XRCC4: variants seen among roughly 807,000 people sequenced by gnomAD.
XRCC4 encodes the protein DNA repair protein XRCC4.
In XRCC4, 28 loss-of-function variants were observed where a neutral mutation model predicts 39.1. The observed-to-expected ratio is 0.72, with a 90% CI of 0.53 to 0.98. The LOEUF is 0.98. Ranked by LOEUF, XRCC4 falls within the 50% of genes least tolerant of loss-of-function variation. The probability of loss-of-function intolerance (pLI) is 0.00; values close to 1 mark genes in which losing one functional copy is unlikely to be tolerated. For synonymous variants in XRCC4, 123 were observed against 126.4 expected, an observed-to-expected ratio of 0.97 and a Z score of 0.18; for missense variants, 350 against 376.4, an observed-to-expected ratio of 0.93 and a Z score of 0.58.
chr5:83,120,023 A>G (rs1447792297), intron 3 of XRCC4, among the ~76,000 whole-genome samples: 1 of 151,120 alleles, frequency 6.6e-6, no homozygotes, highest in Non-Finnish European at 1.5e-5. Context: ...AAACAATAAC[A>G]GAAACAAAAA....
At chr5:83,230,423 C>G (rs116151912) in intron 6 of XRCC4, among the ~76,000 whole-genome samples, 3 of 152,036 alleles carry the variant, frequency 2.0e-5, no homozygotes, top group African/African-American at 7.2e-5. Flanking sequence ...TCCACACTCA[C>G]GTAAATAATT....
chr5:83,161,700 A>T (rs1397374523), intron 3 of XRCC4, among the ~76,000 whole-genome samples: 1 of 152,192 alleles, frequency 6.6e-6, no homozygotes, highest in East Asian at 1.9e-4. Flanking sequence ...TCTCTCCTTC[A>T]ATCAACATAT....
At chr5:83,097,771 C>T (rs929870171) in intron 1 of XRCC4, among the ~76,000 whole-genome samples, 4 of 152,102 alleles carry the variant, frequency 2.6e-5, no homozygotes, top group Admixed American at 1.3e-4. Context: ...GTCATTCTCA[C>T]GTGAAACTGC....
At chr5:83,370,010 A>G in the XRCC4 span, among the ~76,000 whole-genome samples, 1 of 152,010 alleles carries the variant, frequency 6.6e-6, no homozygotes, top group African/African-American at 2.4e-5. Context: ...TTCTTCCCAT[A>G]TATTTAATCT....
chr5:83,234,180 A>C (rs941541144), intron 6 of XRCC4, among the ~76,000 whole-genome samples: 1 of 152,140 alleles, frequency 6.6e-6, no homozygotes, highest in Non-Finnish European at 1.5e-5. Flanking sequence ...TAATGAGGTC[A>C]GGGAAAGTCT....
chr5:83,205,352 C>G (rs1751376571), intron 6 of XRCC4, among the ~76,000 whole-genome samples: 1 of 152,052 alleles, frequency 6.6e-6, no homozygotes, highest in Non-Finnish European at 1.5e-5. Context: ...CCTTCTTTCA[C>G]TCTTCAGAAA....
intron 1 of XRCC4, among the ~76,000 whole-genome samples, chr5:83,078,855 A>T (rs1744804338): frequency 6.6e-6 from 1 of 152,180 alleles, no homozygotes. Context: ...ACCTAAGGAT[A>T]AAAAAAGTCT....
At chr5:83,249,079 A>G (rs1753214988) in intron 6 of XRCC4, among the ~76,000 whole-genome samples, 1 of 152,138 alleles carries the variant, frequency 6.6e-6, no homozygotes, top group Non-Finnish European at 1.5e-5. Flanking sequence ...TAAGTTACAG[A>G]ATCAGGGATT....
the XRCC4 span, among the ~76,000 whole-genome samples, chr5:83,369,907 A>G: frequency 3.9e-5 from 6 of 152,224 alleles, no homozygotes; most frequent in Non-Finnish European, 7.4e-5. Flanking sequence ...AGCCTTATCA[A>G]TATCTGTTAT....
chr5:83,306,467 A>G (rs1434569522), intron 7 of XRCC4, among the ~76,000 whole-genome samples: 1 of 150,786 alleles, frequency 6.6e-6, no homozygotes. Context: ...AACAATAGAA[A>G]CATTCAACTT....
chr5:83,247,503 T>A (rs1273396933), intron 6 of XRCC4, among the ~76,000 whole-genome samples: 1 of 152,170 alleles, frequency 6.6e-6, no homozygotes, highest in Non-Finnish European at 1.5e-5. Context: ...TGGGGACTGT[T>A]GTCTTAGAGG....
intron 6 of XRCC4, among the ~76,000 whole-genome samples, chr5:83,240,829 G>A (rs1752878735): frequency 6.6e-6 from 1 of 152,178 alleles, no homozygotes; most frequent in African/African-American, 2.4e-5. Context: ...GTATTTGAGG[G>A]GTTTCTAAGG....
chr5:83,187,512 A>G (rs1265747935), intron 3 of XRCC4, among the ~76,000 whole-genome samples: 1 of 152,198 alleles, frequency 6.6e-6, no homozygotes, highest in Admixed American at 6.5e-5. Flanking sequence ...TGTCTACCAC[A>G]TTCAGGAATA....
chr5:83,257,325 A>T lies in XRCC4; in HGVS notation c.746-1205A>T, dbSNP rs530888542. Reference sequence around the variant, plus strand: ...GGCTGATATCCAGAATCTACACAGAACTTAAACAAAATTTACAAGAAAAAA... The same window carrying T: ...GGCTGATATCCAGAATCTACACAGATCTTAAACAAAATTTACAAGAAAAAA... On this transcript the variant is annotated intron_variant, in intron 6 of 7. Coordinates refer to ENST00000396027, the MANE Select transcript of XRCC4 (RefSeq NM_003401.5). 4.7e-5 allele frequency among the ~76,000 whole-genome samples: 7 copies of T among 150,422 alleles called. No individual in the cohort carries two copies. In the South Asian group the frequency reaches 1.5e-3, roughly 31 times the overall value.
intron 7 of XRCC4, among the ~76,000 whole-genome samples, chr5:83,264,092 A>G (rs1580442147): frequency 2.0e-5 from 3 of 152,284 alleles, no homozygotes; most frequent in South Asian, 4.1e-4. Flanking sequence ...TAGAGTTTGT[A>G]TAAGGTATTG....
chr5:83,107,213 A>G (rs1377319494), intron 2 of XRCC4, among the ~76,000 whole-genome samples: 2 of 152,010 alleles, frequency 1.3e-5, no homozygotes, highest in Non-Finnish European at 2.9e-5. Context: ...TTTACATATC[A>G]GGGACAAAAT....
chr5:83,263,803 C>G (rs532183087), intron 7 of XRCC4, among the ~76,000 whole-genome samples: 4 of 151,200 alleles, frequency 2.6e-5, no homozygotes, highest in South Asian at 2.1e-4. Flanking sequence ...GTTGCCTGTT[C>G]ACTCTGATGG....
intron 3 of XRCC4, among the ~76,000 whole-genome samples, chr5:83,142,165 T>A (rs181529241): frequency 4.3e-4 from 65 of 152,304 alleles, no homozygotes; most frequent in African/African-American, 1.5e-3. Context: ...TTCCCTCCTT[T>A]TCTGTGCTTA....
intron 3 of XRCC4, among the ~76,000 whole-genome samples, chr5:83,186,791 G>A (rs1750458459): frequency 6.6e-6 from 1 of 152,084 alleles, no homozygotes. Context: ...TTTTACTTCT[G>A]TGGCATAAAA....
Sources: gnomAD v4.1 joint callset for allele counts (sites outside exome capture counted in the v4.1 genomes callset) on GRCh38, gnomAD v4.1.1 for gene constraint, MANE v1.5 for transcripts, NCBI Gene and HGNC (gene_info 2026-07-23, HGNC 2026-07-21) for gene names.